Variants in MKRN2 observed in about 807,000 individuals in gnomAD.
MKRN2 encodes the protein E3 ubiquitin-protein ligase makorin-2.
MKRN2 carries 32 observed loss-of-function variants against 45.4 expected under a neutral mutation model. The observed-to-expected ratio is 0.70, with a 90% confidence interval of 0.53 to 0.95. MKRN2 has a LOEUF of 0.95. Among genes scored for constraint, MKRN2 ranks in the 40% least tolerant of loss-of-function variants. The pLI is 0.00. For synonymous variants in MKRN2, 206 were observed against 192.4 expected (o/e 1.07, Z -0.59); for missense variants, 526 against 536.7 (o/e 0.98, Z 0.20).
chr3:12,560,347 C>T (rs558862441), intron 1 of MKRN2, among the ~76,000 whole-genome samples: 1 of 152,122 alleles, frequency 6.6e-6, no homozygotes, highest in African/African-American at 2.4e-5. Flanking sequence ...ATTTCATTCC[C>T]GCCTCTAATC....
At chr3:12,579,784 T>C (rs1294276649) in intron 6 of MKRN2, among the ~76,000 whole-genome samples, 1 of 152,086 alleles carries the variant, frequency 6.6e-6, no homozygotes, top group African/African-American at 2.4e-5. Context: ...GACACTTGAA[T>C]CCCAGTGTGA....
intron 1 of MKRN2, among the ~76,000 whole-genome samples, chr3:12,562,957 C>G (rs2058048411): frequency 6.6e-6 from 1 of 152,032 alleles, no homozygotes. Flanking sequence ...ATGTAATGTG[C>G]TTGAATCATC....
chr3:12,576,047 C>T (rs2058133584), intron 5 of MKRN2, among the ~76,000 whole-genome samples: 1 of 152,050 alleles, frequency 6.6e-6, no homozygotes, highest in Non-Finnish European at 1.5e-5. Flanking sequence ...CGTGGGATTG[C>T]TAGGTTTTAT....
intron 6 of MKRN2, among the ~76,000 whole-genome samples, chr3:12,580,977 G>C (rs1012886479): frequency 6.6e-6 from 1 of 151,952 alleles, no homozygotes. Flanking sequence ...TCTGTACTCC[G>C]AGATGGCCCT....
intron 3 of MKRN2, among the ~76,000 whole-genome samples, chr3:12,571,803 A>G (rs2058101195): frequency 1.3e-5 from 2 of 152,070 alleles, no homozygotes; most frequent in South Asian, 2.1e-4. Context: ...GTTCTTTTGT[A>G]TAAGTATATC....
chr3:12,579,313 C>T (rs943287692), intron 6 of MKRN2, among the ~76,000 whole-genome samples: 6 of 151,996 alleles, frequency 3.9e-5, no homozygotes, highest in Admixed American at 2.0e-4. Flanking sequence ...TACAGGTGTG[C>T]GCCACGACAC....
intron 1 of MKRN2, among the ~76,000 whole-genome samples, chr3:12,562,597 C>A (rs1267944975): frequency 1.3e-5 from 2 of 152,070 alleles, no homozygotes; most frequent in Non-Finnish European, 2.9e-5. Context: ...CTTTTAGGAA[C>A]CAGGCCACAC....
rs774940495 is a variant in MKRN2, at chr3:12,582,164, C to T, written c.1162C>T (p.Arg388Trp). Reference sequence around the variant, plus strand: ...GGATTTCATCGAGAACCGAGAAAGCCGGCATGTCCCCAACAATGAAGATGT... The same window carrying T: ...GGATTTCATCGAGAACCGAGAAAGCTGGCATGTCCCCAACAATGAAGATGT... ...LWDFIENRES[R>W]HVPNNEDVDM... The change falls in exon 8 of 8, where the codon CGG (arginine) becomes TGG (tryptophan). Residue 388 changes from arginine (R) to tryptophan (W), a missense_variant. Transcript: ENST00000170447. 3.8e-5 allele frequency: 61 copies of T among 1,613,976 alleles called. No homozygotes were observed. Among genetic ancestry groups the T allele is most frequent in the Middle Eastern group, 1.6e-4 (1 of 6,084 alleles).
intron 1 of MKRN2, among the ~76,000 whole-genome samples, chr3:12,564,883 T>C (rs748877880): frequency 3.3e-5 from 5 of 152,252 alleles, no homozygotes; most frequent in Non-Finnish European, 7.3e-5. Flanking sequence ...CATGTGGTCT[T>C]TTGTGTCCAG....
intron 1 of MKRN2, among the ~76,000 whole-genome samples, chr3:12,559,849 C>T (rs2058021928): frequency 6.6e-6 from 1 of 152,194 alleles, no homozygotes; most frequent in South Asian, 2.1e-4. Flanking sequence ...TCACCTTCTC[C>T]TCTTGTGATA....
chr3:12,582,047 C>A, intron 7 of MKRN2, 69 bp from the exon 8 acceptor site: 1 of 1,609,514 alleles, frequency 6.2e-7, no homozygotes, highest in Non-Finnish European at 8.5e-7. Flanking sequence ...GGCAAAAGAA[C>A]GATCAAGGAA....
rs1220293011 is a variant in MKRN2 at position 12,583,150 on chromosome 3, A to G, written c.*897A>G. On this transcript the variant is annotated 3_prime_UTR_variant, in exon 8 of 8. Transcript: ENST00000170447. ...GCTGCAAAGCCTGGCTTTGATTTGA[A>G]ATTTTGTAAAAATTTCATGGCACCC... is the stretch of plus-strand genomic sequence containing the variant. 1.3e-5 allele frequency: 2 copies of G among 152,222 alleles called. No homozygotes were observed. Among genetic ancestry groups the G allele is most frequent in the African/African-American group, 4.8e-5 (2 of 41,452 alleles). 9.4% of individuals were successfully genotyped at this position (152,222 alleles called of 1,614,324 possible). A position where few individuals can be genotyped will look rare whatever the true frequency, so the allele number is the denominator to read the frequency against.
In MKRN2 at chr3:12,559,571, A is replaced by G. The variant is rs758313263; in HGVS notation, c.26+2395A>G. Among the ~76,000 whole-genome samples, 40 of 152,186 alleles carry G rather than the reference A, an allele frequency of 2.6e-4. 1 individual carries two copies. The highest frequency in any genetic ancestry group is 5.1e-4 in the Non-Finnish European group (35 of 68,046). ...GCTTCCAATCTGTTAGATATTATGT[A>G]TCTCCAAGAGTTGCTTATCAAATGC... On this transcript the variant is annotated intron_variant, in intron 1 of 7. Coordinates refer to ENST00000170447, the MANE Select transcript of MKRN2 (RefSeq NM_014160.5).
intron 5 of MKRN2, among the ~76,000 whole-genome samples, chr3:12,575,524 G>T (rs574664426): frequency 1.3e-5 from 2 of 152,218 alleles, no homozygotes; most frequent in African/African-American, 4.8e-5. Context: ...GGCATGTGGA[G>T]AGGTTACTGC....
In MKRN2 at chr3:12,581,829, T is replaced by G; in HGVS notation, c.990T>G (p.Phe330Leu). ...QGMGKKACKY[F>L]EQGKGTCPFG... Reference sequence around the variant, plus strand: ...TCAGGAAAAAAGCCTGTAAATACTTTGAGCAAGGCAAGGGGACCTGCCCAT... The same window carrying G: ...TCAGGAAAAAAGCCTGTAAATACTTGGAGCAAGGCAAGGGGACCTGCCCAT... The change falls in exon 7 of 8, where the codon TTT (phenylalanine) becomes TTG (leucine). Residue 330 changes from phenylalanine to leucine, a missense_variant. By Grantham distance (22) the Phe-to-Leu change is conservative (BLOSUM62 0). Coordinates refer to ENST00000170447, the MANE Select transcript of MKRN2 (RefSeq NM_014160.5). 6.2e-7 allele frequency: 1 copy of G among 1,614,166 alleles called. No homozygotes were observed. Among genetic ancestry groups the G allele is most frequent in the South Asian group, 1.1e-5 (1 of 91,088 alleles).
At chr3:12,558,294 A>G (rs1323519140) in intron 1 of MKRN2, among the ~76,000 whole-genome samples, 1 of 152,218 alleles carries the variant, frequency 6.6e-6, no homozygotes, top group Non-Finnish European at 1.5e-5. Context: ...TAGTGTCTAT[A>G]AAAAGACTTT....
chr3:12,576,693 A>G lies in MKRN2; in HGVS notation c.920A>G (p.Asp307Gly). The change falls in exon 6 of 8, where the codon GAT (aspartate) becomes GGT (glycine). Residue 307 changes from aspartate to glycine, a missense_variant. Transcript: ENST00000170447. Reference protein sequence around the residue: ...FVIPSVYWVEDQNKKNELIEA... With the variant: ...FVIPSVYWVEGQNKKNELIEA... The stretch of plus-strand genomic sequence containing the variant: ...ATTCCAAGTGTGTATTGGGTGGAAG[A>G]TCAGAATAAAAAGAACGAGTTGATT... 1 of 1,610,998 alleles carries G rather than the reference A, an allele frequency of 6.2e-7. No individual in the cohort carries two copies. The highest frequency in any genetic ancestry group is 1.3e-5 in the African/African-American group (1 of 74,928).
At chr3:12,577,716 C>T (rs922976545) in intron 6 of MKRN2, among the ~76,000 whole-genome samples, 2 of 151,818 alleles carry the variant, frequency 1.3e-5, no homozygotes, top group Non-Finnish European at 1.5e-5. Context: ...ACTCTTGTTG[C>T]CCAGGCTGGA....
At position 12,581,824 on chromosome 3, in the gene MKRN2, T is replaced by C. The variant is rs2058181491; in HGVS notation, c.985T>C (p.Tyr329His). The change falls in exon 7 of 8, where the codon TAC becomes CAC. Residue 329 changes from tyrosine to histidine, a missense_variant. By Grantham distance (83) the Tyr-to-His change is moderately conservative. Coordinates refer to ENST00000170447, the MANE Select transcript of MKRN2 (RefSeq NM_014160.5). ...GCTTTTCAGGAAAAAAGCCTGTAAA[T>C]ACTTTGAGCAAGGCAAGGGGACCTG... ...KQGMGKKACK[Y>H]FEQGKGTCPF... The C allele has an allele frequency of 1.2e-6, 2 of 1,613,990 alleles. No individual in the cohort carries two copies. The highest frequency in any genetic ancestry group is 1.7e-5 in the Admixed American group (1 of 59,992).
Sources: gnomAD v4.1 joint callset for allele counts (sites outside exome capture counted in the v4.1 genomes callset) on GRCh38, gnomAD v4.1.1 for gene constraint, MANE v1.5 for transcripts, NCBI Gene and HGNC (gene_info 2026-07-23, HGNC 2026-07-21) for gene names.